The following LEP variants were observed in gnomAD, a reference collection of about 807,000 sequenced individuals.
LEP encodes the protein leptin.
In LEP, 6 loss-of-function variants were observed where a neutral mutation model predicts 9.8. That is an observed-to-expected ratio of 0.61 (90% CI 0.34 to 1.21). LEP has a LOEUF of 1.21. Ranked by LOEUF, LEP falls within the 50% of genes most tolerant of loss-of-function variation. LEP has a pLI of 0.04. For missense variants in LEP, 134 were observed against 198.1 expected, an observed-to-expected ratio of 0.68 and a Z score of 1.94; for synonymous variants, 112 against 81.7, an observed-to-expected ratio of 1.37 and a Z score of -2.00.
At chr7:128,254,351 G>T in intron 2 of LEP, 53 bp from the exon 3 acceptor site, 1 of 1,604,710 alleles carries the variant, frequency 6.2e-7, no homozygotes, top group Non-Finnish European at 8.5e-7. Flanking sequence ...AGGGCTCTGA[G>T]AGCGATTCCT....
intron 2 of LEP, among the ~76,000 whole-genome samples, chr7:128,253,936 G>A (rs1795304493): frequency 6.6e-6 from 1 of 151,852 alleles, no homozygotes; most frequent in African/African-American, 2.4e-5. Flanking sequence ...GAGCAGGGTT[G>A]GGGGGCCTCA....
At position 128,254,937 on chromosome 7, in the gene LEP, G is replaced by C; in HGVS notation, c.*174G>C. The C allele has an allele frequency of 1.4e-6, 1 of 707,110 alleles. No individual in the cohort carries two copies. Among genetic ancestry groups the C allele is most frequent in the South Asian group, 1.6e-5 (1 of 61,346 alleles). The allele number at this position is 707,110 out of a possible 1,614,324, so 43.8% of individuals were successfully genotyped here. A position where few individuals can be genotyped will look rare whatever the true frequency, so the allele number is the denominator to read the frequency against. On this transcript the variant is annotated 3_prime_UTR_variant, in exon 3 of 3. Coordinates refer to ENST00000308868, the MANE Select transcript of LEP (RefSeq NM_000230.3). ...GGCATAAGACCCTAAGCCTCCTTTT[G>C]CTTGAAACCAAAGATATATACACAG... is the stretch of plus-strand genomic sequence containing the variant.
chr7:128,254,873 C>G lies in LEP; in HGVS notation c.*110C>G. ...GCATGGACACCCCTTATCCAGGACT[C>G]TGTCAATTTCCCTGACTCCTCTAAG... On this transcript the variant is annotated 3_prime_UTR_variant, in exon 3 of 3. Transcript: ENST00000308868. 8.0e-7 allele frequency: 1 copy of G among 1,248,868 alleles called. No individual in the cohort carries two copies. The highest frequency in any genetic ancestry group is 1.1e-6 in the Non-Finnish European group (1 of 879,528). 77.4% of individuals were successfully genotyped at this position (1,248,868 alleles called of 1,614,324 possible). A position where few individuals can be genotyped will look rare whatever the true frequency, so the allele number is the denominator to read the frequency against.
chr7:128,243,758 A>G (rs186091007), intron 1 of LEP, among the ~76,000 whole-genome samples: 2 of 152,366 alleles, frequency 1.3e-5, no homozygotes, highest in East Asian at 3.9e-4. Context: ...TAGTTAGCCA[A>G]TGCAGATCGA....
chr7:128,253,757 C>G (rs1795302316), intron 2 of LEP, among the ~76,000 whole-genome samples: 1 of 152,220 alleles, frequency 6.6e-6, no homozygotes, highest in African/African-American at 2.4e-5. Flanking sequence ...AAAAAATTAG[C>G]TGGGCATATT....
intron 1 of LEP, among the ~76,000 whole-genome samples, chr7:128,241,936 T>C (rs1795156624): frequency 6.6e-6 from 1 of 151,690 alleles, no homozygotes; most frequent in Admixed American, 6.5e-5. Context: ...GCAAATTGCC[T>C]TCTTTGCAAT....
chr7:128,244,678 G>C (rs1251437470), intron 1 of LEP, among the ~76,000 whole-genome samples: 1 of 152,128 alleles, frequency 6.6e-6, no homozygotes, highest in South Asian at 2.1e-4. Flanking sequence ...GGACAGGGAG[G>C]GCCACCAGGC....
At chr7:128,254,042 G>A (rs578073103) in intron 2 of LEP, among the ~76,000 whole-genome samples, 1 of 152,172 alleles carries the variant, frequency 6.6e-6, no homozygotes, top group East Asian at 1.9e-4. Flanking sequence ...ACTAGGGAAG[G>A]CTGGGGGTGG....
chr7:128,246,991 G>A (rs777304791), intron 1 of LEP, among the ~76,000 whole-genome samples: 13 of 152,160 alleles, frequency 8.5e-5, no homozygotes, highest in Non-Finnish European at 1.5e-4. Context: ...CCCACTGTGA[G>A]CCCACCATCT....
intron 1 of LEP, among the ~76,000 whole-genome samples, chr7:128,251,607 A>T (rs137975623): frequency 6.6e-6 from 1 of 152,312 alleles, no homozygotes; most frequent in East Asian, 1.9e-4. Context: ...TTTTGTGGTT[A>T]TGTGATATGT....
At position 128,245,040 on chromosome 7, in the gene LEP, A is replaced by ATGTGTG. The variant is rs150818455; in HGVS notation, c.-29+3744_-29+3749dup. 1.3e-3 allele frequency among the ~76,000 whole-genome samples: 198 copies of ATGTGTG among 151,838 alleles called. 7 individuals carry two copies. The South Asian group carries it at 0.04, about 31-fold the overall frequency. On this transcript the variant is annotated intron_variant, in intron 1 of 2. Transcript: ENST00000308868. ...CAAACATAGCCATCAAGGGTTGTGTATGTGTGTGTGTGTGTCTGTGTGTGT... is the reference window on the plus strand; with the variant it reads ...CAAACATAGCCATCAAGGGTTGTGTATGTGTGTGTGTGTGTGTGTGTCTGTGTGTGT...
At chr7:128,245,584 T>C (rs1334298103) in intron 1 of LEP, among the ~76,000 whole-genome samples, 4 of 152,198 alleles carry the variant, frequency 2.6e-5, no homozygotes, top group Non-Finnish European at 5.9e-5. Context: ...CACAGGAGAA[T>C]GTGTATAGGG....
At chr7:128,252,812 G>A (rs540869327) in intron 2 of LEP, among the ~76,000 whole-genome samples, 3 of 152,068 alleles carry the variant, frequency 2.0e-5, no homozygotes, top group Admixed American at 6.5e-5. Context: ...TGCTTTAGGA[G>A]GCCAAGGTAG....
chr7:128,250,745 G>A (rs1178365075), intron 1 of LEP, among the ~76,000 whole-genome samples: 1 of 152,146 alleles, frequency 6.6e-6, no homozygotes, highest in Non-Finnish European at 1.5e-5. Flanking sequence ...TCAAGACCCA[G>A]ACGAGGAAGA....
At chr7:128,246,695 T>TC (rs1795215425) in intron 1 of LEP, among the ~76,000 whole-genome samples, 1 of 152,048 alleles carries the variant, frequency 6.6e-6, no homozygotes, top group Admixed American at 6.6e-5. Flanking sequence ...ACTCCTGGGC[T>TC]CAAGCGATCC....
At chr7:128,252,892 TA>T (rs1562932153) in intron 2 of LEP, among the ~76,000 whole-genome samples, 1 of 152,022 alleles carries the variant, frequency 6.6e-6, no homozygotes, top group East Asian at 1.9e-4. Context: ...CTCTAATTTT[TA>T]AAAAAATAAA....
chr7:128,252,220 G>A, intron 2 of LEP, 58 bp downstream of exon 2: 1 of 1,578,768 alleles, frequency 6.3e-7, no homozygotes. Flanking sequence ...CTGGCTCCTA[G>A]TGGCACTGGA....
At chr7:128,254,142 T>C (rs772963037) in intron 2 of LEP, among the ~76,000 whole-genome samples, 2 of 152,002 alleles carry the variant, frequency 1.3e-5, no homozygotes, top group Admixed American at 6.5e-5. Context: ...GCAGAGGCCA[T>C]GTAGAGAAAG....
In LEP at chr7:128,254,575, G is replaced by A; in HGVS notation, c.316G>A (p.Asp106Asn). The A allele has an allele frequency of 2.5e-6, 4 of 1,614,152 alleles. No homozygotes were observed. The highest frequency in any genetic ancestry group is 2.2e-5 in the East Asian group (1 of 44,872). ...ATCCAACGACCTGGAGAACCTCCGG[G>A]ATCTTCTTCACGTGCTGGCCTTCTC... ...QISNDLENLR[D>N]LLHVLAFSKS... The change falls in exon 3 of 3, where the codon GAT (aspartate) becomes AAT (asparagine). Residue 106 changes from aspartate (D) to asparagine (N), a missense_variant. Transcript: ENST00000308868.
Sources: allele counts gnomAD v4.1 joint callset (sites outside exome capture counted in the v4.1 genomes callset), GRCh38; gene constraint gnomAD v4.1.1; transcripts MANE v1.5; gene names NCBI Gene and HGNC (gene_info 2026-07-23, HGNC 2026-07-21).